The following HSPBP1 variants were observed in gnomAD, a reference collection of about 807,000 sequenced individuals.
The protein encoded by HSPBP1 is hsp70-binding protein 1.
HSPBP1 carries 31 observed loss-of-function variants against 41.7 expected under a neutral mutation model. That is an observed-to-expected ratio of 0.74 (90% CI 0.56 to 1.00). The LOEUF (loss-of-function observed/expected upper bound fraction) is 1.00, where lower values mean the gene tolerates loss of function less well. HSPBP1 is among the 50% of genes least tolerant of loss of function. The pLI is 0.00. For synonymous variants in HSPBP1, 199 were observed against 214.4 expected (o/e 0.93, Z 0.63); for missense variants, 439 against 487.9 (o/e 0.90, Z 0.94).
chr19:55,271,932 T>C (rs11667472), intron 4 of HSPBP1, among the ~76,000 whole-genome samples: 9,210 of 152,146 alleles, frequency 0.061, 359 homozygotes, highest in South Asian at 0.17. Context: ...CATGGTGGCA[T>C]GTGCCTGTAA....
In HSPBP1 at chr19:55,262,401, G is replaced by A; in HGVS notation, c.*207C>T. The A allele has an allele frequency of 2.1e-6, 3 of 1,396,876 alleles. No homozygotes were observed. Among genetic ancestry groups the A allele is most frequent in the Non-Finnish European group, 2.8e-6 (3 of 1,076,916 alleles). The allele number at this position is 1,396,876 out of a possible 1,614,324, so 86.5% of individuals were successfully genotyped here. ...GAAGAGCTGTGTGGACAAGAGAACG[G>A]GGATGAGAGTGAGAGCATGGGAGGT... On this transcript the variant is annotated 3_prime_UTR_variant, in exon 8 of 8. Transcript: ENST00000433386.
At position 55,270,263 on chromosome 19, in the gene HSPBP1, G is replaced by A. The variant is rs2087886256; in HGVS notation, c.641-3977C>T. Among the ~76,000 whole-genome samples the A allele has an allele frequency of 6.6e-6, 1 of 152,328 alleles. No individual in the cohort carries two copies. The highest frequency in any genetic ancestry group is 1.5e-5 in the Non-Finnish European group (1 of 68,032). On this transcript the variant is annotated intron_variant, in intron 4 of 7. Coordinates refer to ENST00000433386, the MANE Select transcript of HSPBP1 (RefSeq NM_012267.5). The surrounding 1 kb of genome is among the most constrained non-coding windows in gnomAD (Gnocchi z 5.4). ...GGGGAAGCCGACCACCACGTGGTGA[G>A]GCCGCTCACGCAGCCCGAGCTTCCT...
intron 7 of HSPBP1, among the ~76,000 whole-genome samples, chr19:55,264,488 T>C (rs1372551967): frequency 6.6e-6 from 1 of 152,244 alleles, no homozygotes; most frequent in Non-Finnish European, 1.5e-5. Context: ...TATCTAGTTA[T>C]CTAATGAGTT....
Position 55,262,251 on chromosome 19 carries a change from T to G in HSPBP1, c.*357A>C. The G allele has an allele frequency of 2.1e-6, 1 of 473,450 alleles. No homozygotes were observed. Among genetic ancestry groups the G allele is most frequent in the South Asian group, 7.6e-5 (1 of 13,084 alleles). 29.3% of individuals were successfully genotyped at this position (473,450 alleles called of 1,614,324 possible). On this transcript the variant is annotated 3_prime_UTR_variant, in exon 8 of 8. Transcript: ENST00000433386. ...ATGATAAAGAGCAACACTTTTATTATTCTTCCAGTGGCTCCCCAAGTCCCT... is the reference window on the plus strand; with the variant it reads ...ATGATAAAGAGCAACACTTTTATTAGTCTTCCAGTGGCTCCCCAAGTCCCT...
chr19:55,269,305 C>T (rs942920120), intron 4 of HSPBP1, among the ~76,000 whole-genome samples: 2 of 152,124 alleles, frequency 1.3e-5, no homozygotes, highest in East Asian at 1.9e-4. Flanking sequence ...GTGGAGGACA[C>T]GATTGTCCCT....
Position 55,262,550 on chromosome 19 carries a change from G to C in HSPBP1, c.*58C>G. 5.0e-6 allele frequency: 8 copies of C among 1,600,866 alleles called. No individual in the cohort carries two copies. Among genetic ancestry groups the C allele is most frequent in the Non-Finnish European group, 6.8e-6 (8 of 1,173,568 alleles). On this transcript the variant is annotated 3_prime_UTR_variant, in exon 8 of 8. Transcript: ENST00000433386. ...CCTTGGGAGAGGGCCTTGTAGGTGG[G>C]GAGGGAGGCAAGAGGCCTGGGGTTC... is the stretch of plus-strand genomic sequence containing the variant.
chr19:55,265,097 GTCC>G (rs1044904128), intron 7 of HSPBP1, among the ~76,000 whole-genome samples, 178 bp downstream of exon 7: 2 of 137,536 alleles, frequency 1.5e-5, no homozygotes, highest in African/African-American at 5.6e-5. Flanking sequence ...CTCACACCTA[GTCC>G]TCCTTGCACC....
intron 3 of HSPBP1, among the ~76,000 whole-genome samples, chr19:55,277,394 G>A (rs1376327121): frequency 6.6e-6 from 1 of 152,250 alleles, no homozygotes; most frequent in African/African-American, 2.4e-5. Context: ...ACTCTGGGGA[G>A]TGGCAGTGGA....
chr19:55,273,852 A>T (rs2087988197), intron 4 of HSPBP1, among the ~76,000 whole-genome samples: 1 of 152,028 alleles, frequency 6.6e-6, no homozygotes, highest in South Asian at 2.1e-4. Flanking sequence ...AGGCGGGAGG[A>T]TCCCTTGAGG....
chr19:55,277,858 G>A lies in HSPBP1; in HGVS notation c.211-12C>T. 6.6e-7 allele frequency: 1 copy of A among 1,524,574 alleles called. No individual in the cohort carries two copies. The highest frequency in any genetic ancestry group is 8.8e-7 in the Non-Finnish European group (1 of 1,137,806). The allele number at this position is 1,524,574 out of a possible 1,614,324, so 94.4% of individuals were successfully genotyped here. A position where few individuals can be genotyped will look rare whatever the true frequency, so the allele number is the denominator to read the frequency against. On this transcript the variant is annotated splice_polypyrimidine_tract_variant and intron_variant, in intron 2 of 7. Coordinates refer to ENST00000433386, the MANE Select transcript of HSPBP1 (RefSeq NM_012267.5). ...AGCCACTGACGCCTCTGGAGACCAA[G>A]GCGAGGAGGAAAGAAGGAGATCCAT...
Position 55,262,626 on chromosome 19 carries a change from G to A in HSPBP1, c.1062C>T (p.Asp354=), listed in dbSNP as rs181335004. The A allele has an allele frequency of 8.7e-6, 14 of 1,613,842 alleles. No individual in the cohort carries two copies. The highest frequency in any genetic ancestry group is 4.4e-5 in the South Asian group (4 of 90,988). The part of the protein sequence containing the change: ...LLQTCFSSPA[D]DSMDR ...CCTGGTTTCACCGATCCATGCTGTC[G>A]TCCGCTGGGCTGGAGAAACAGGTCT... Residue 354 remains aspartate, a synonymous_variant, in exon 8 of 8, where the codon GAC becomes GAT. Coordinates refer to ENST00000433386, the MANE Select transcript of HSPBP1 (RefSeq NM_012267.5).
chr19:55,276,014 G>A (rs2088061385), intron 3 of HSPBP1, among the ~76,000 whole-genome samples: 1 of 150,686 alleles, frequency 6.6e-6, no homozygotes, highest in African/African-American at 2.5e-5. Context: ...CTGTTTGGGA[G>A]GCTAAGGTAT....
rs993720245 is a variant in HSPBP1 at position 55,272,425 on chromosome 19, C to T, written c.640+1973G>A. Reference sequence around the variant, plus strand: ...TGGGATTCCGTTTGTACAAATGTCCCGGAGAGGGAAATCCTTAGAGGCAGT... The same window carrying T: ...TGGGATTCCGTTTGTACAAATGTCCTGGAGAGGGAAATCCTTAGAGGCAGT... On this transcript the variant is annotated intron_variant, in intron 4 of 7. Coordinates refer to ENST00000433386, the MANE Select transcript of HSPBP1 (RefSeq NM_012267.5). The surrounding 1 kb of genome is among the most constrained non-coding windows in gnomAD (Gnocchi z 4.2). Among the ~76,000 whole-genome samples, 4 of 152,130 alleles carry T rather than the reference C, an allele frequency of 2.6e-5. No individual in the cohort carries two copies. The highest frequency in any genetic ancestry group is 9.7e-5 in the African/African-American group (4 of 41,404).
At chr19:55,265,420 C>T in intron 6 of HSPBP1, 31 bp from the exon 7 acceptor site, 1 of 1,574,596 alleles carries the variant, frequency 6.4e-7, no homozygotes, top group Non-Finnish European at 8.7e-7. Context: ...GCCCTTAGGA[C>T]CTCCCTCTAG....
intron 2 of HSPBP1, among the ~76,000 whole-genome samples, chr19:55,279,008 G>A (rs1167152763): frequency 6.7e-6 from 1 of 148,730 alleles, no homozygotes; most frequent in East Asian, 2.0e-4. Context: ...AGCACTGTCT[G>A]TATGCTGGGC....
chr19:55,279,917 G>A, intron 1 of HSPBP1, 118 bp downstream of exon 1: 4 of 498,316 alleles, frequency 8.0e-6, no homozygotes, highest in Middle Eastern at 5.5e-4. Context: ...CGTGCGTCCC[G>A]TCTCTTAGCA....
In HSPBP1 at chr19:55,272,396, G is replaced by A. The variant is rs1435811074; in HGVS notation, c.640+2002C>T. On this transcript the variant is annotated intron_variant, in intron 4 of 7. Transcript: ENST00000433386. This position sits in a 1 kb window ranked among gnomAD's most constrained non-coding sequence, Gnocchi z 4.2. ...AGGAGCCAGGCAGAAAAGGCCTCAC[G>A]GTGTGGGATTCCGTTTGTACAAATG... Among the ~76,000 whole-genome samples the A allele has an allele frequency of 6.6e-6, 1 of 152,172 alleles. No homozygotes were observed. The highest frequency in any genetic ancestry group is 2.4e-5 in the African/African-American group (1 of 41,442).
Position 55,268,266 on chromosome 19 carries a change from A to C in HSPBP1, c.641-1980T>G, listed in dbSNP as rs1216583672. Among the ~76,000 whole-genome samples the C allele has an allele frequency of 6.6e-6, 1 of 152,090 alleles. No homozygotes were observed. Among genetic ancestry groups the C allele is most frequent in the Non-Finnish European group, 1.5e-5 (1 of 68,018 alleles). ...ACCAACATGGTGAAACCCCGTCTCT[A>C]CTAAAAATACAAAATTAGCTGGGCG... On this transcript the variant is annotated intron_variant, in intron 4 of 7. Coordinates refer to ENST00000433386, the MANE Select transcript of HSPBP1 (RefSeq NM_012267.5). This position sits in a 1 kb window ranked among gnomAD's most constrained non-coding sequence, Gnocchi z 4.5.
chr19:55,279,017 G>A (rs956775256), intron 2 of HSPBP1, among the ~76,000 whole-genome samples: 3 of 151,822 alleles, frequency 2.0e-5, no homozygotes, highest in African/African-American at 4.8e-5. Flanking sequence ...TGTATGCTGG[G>A]CACTGTGTGC....
Sources: gnomAD v4.1 joint callset for allele counts (sites outside exome capture counted in the v4.1 genomes callset) on GRCh38, gnomAD v4.1.1 for gene constraint, Gnocchi (gnomAD v3.1) non-coding constraint, MANE v1.5 for transcripts, NCBI Gene and HGNC (gene_info 2026-07-23, HGNC 2026-07-21) for gene names.